Variants in SHISA9 observed in about 807,000 individuals in gnomAD.
The protein encoded by SHISA9 is shisa family member 9.
SHISA9 carries 13 observed loss-of-function variants against 38.0 expected under a neutral mutation model. The observed-to-expected ratio is 0.34, with a 90% CI of 0.22 to 0.54. The LOEUF is 0.54. Among genes scored for constraint, SHISA9 ranks in the 20% least tolerant of loss-of-function variants. The pLI is 0.91. For missense variants in SHISA9, 538 were observed against 575.8 expected (o/e 0.93, Z 0.67); for synonymous variants, 275 against 242.0 (o/e 1.14, Z -1.27).
the SHISA9 span, among the ~76,000 whole-genome samples, chr16:13,559,422 A>G: frequency 0.82 from 124,190 of 150,922 alleles, 51,474 homozygotes; most frequent in East Asian, 0.99. Flanking sequence ...CTGTCACCCA[A>G]AATGGAGTGC....
the SHISA9 span, among the ~76,000 whole-genome samples, chr16:13,451,453 C>T: frequency 0.5 from 75,404 of 152,060 alleles, 19,949 homozygotes; most frequent in African/African-American, 0.67. Context: ...CAAATAAAGA[C>T]AATTATAGAT....
intron 2 of SHISA9, among the ~76,000 whole-genome samples, chr16:13,113,417 G>C (rs1230890): frequency 0.73 from 111,445 of 151,964 alleles, 41,296 homozygotes; most frequent in African/African-American, 0.8. Flanking sequence ...GTATTCCAGG[G>C]AGTGTCCATC....
At chr16:13,162,569 T>C (rs543990506) in intron 2 of SHISA9, among the ~76,000 whole-genome samples, 25 of 152,214 alleles carry the variant, frequency 1.6e-4, no homozygotes, top group Middle Eastern at 3.4e-3. Flanking sequence ...TCATCCAAAC[T>C]CTCCTCTCTG....
At chr16:13,110,549 C>A (rs1316636044) in intron 2 of SHISA9, among the ~76,000 whole-genome samples, 1 of 152,204 alleles carries the variant, frequency 6.6e-6, no homozygotes, top group Non-Finnish European at 1.5e-5. Flanking sequence ...GCCTCAATGA[C>A]TGCTTGCATC....
chr16:13,396,596 C>T, the SHISA9 span, among the ~76,000 whole-genome samples: 1 of 152,156 alleles, frequency 6.6e-6, no homozygotes. Context: ...TTTCTGTTGC[C>T]TAAATAGAGT....
chr16:13,129,174 A>G (rs2050286844), intron 2 of SHISA9, among the ~76,000 whole-genome samples: 1 of 152,250 alleles, frequency 6.6e-6, no homozygotes. Context: ...CTTCTGTTTC[A>G]GTGACAGTGA....
At chr16:13,485,492 T>G in the SHISA9 span, among the ~76,000 whole-genome samples, 1 of 152,224 alleles carries the variant, frequency 6.6e-6, no homozygotes, top group Non-Finnish European at 1.5e-5. Context: ...TTTCCTTTTT[T>G]ATTGATATAT....
chr16:13,457,718 C>A, the SHISA9 span, among the ~76,000 whole-genome samples: 7 of 151,980 alleles, frequency 4.6e-5, no homozygotes, highest in African/African-American at 1.2e-4. Flanking sequence ...CAGCCACCAA[C>A]AAACACAGTC....
chr16:13,038,987 C>T (rs1211932902), intron 2 of SHISA9, among the ~76,000 whole-genome samples: 2 of 152,182 alleles, frequency 1.3e-5, no homozygotes, highest in African/African-American at 4.8e-5. Context: ...CTGCTCACTG[C>T]AGCCTCCACC....
chr16:13,014,701 G>C (rs561681781), intron 2 of SHISA9, among the ~76,000 whole-genome samples: 2 of 152,190 alleles, frequency 1.3e-5, no homozygotes, highest in Non-Finnish European at 2.9e-5. Flanking sequence ...ATTCTGAGCC[G>C]GGGGTGGAAT....
chr16:13,118,190 A>G (rs985263394), intron 2 of SHISA9, among the ~76,000 whole-genome samples: 1 of 151,790 alleles, frequency 6.6e-6, no homozygotes, highest in Non-Finnish European at 1.5e-5. Flanking sequence ...TAAAAAAAAA[A>G]AAAAAAAAAA....
chr16:13,193,959 G>A (rs1236863312), intron 2 of SHISA9, among the ~76,000 whole-genome samples: 2 of 152,152 alleles, frequency 1.3e-5, no homozygotes, highest in Admixed American at 6.5e-5. Flanking sequence ...AGAGGAAGCA[G>A]GACAAGAGAC....
At chr16:13,298,360 A>G in the SHISA9 span, among the ~76,000 whole-genome samples, 1 of 149,564 alleles carries the variant, frequency 6.7e-6, no homozygotes, top group Non-Finnish European at 1.5e-5. Flanking sequence ...TCATAATTCT[A>G]CTAATTATCA....
chr16:13,177,635 C>T (rs1307649009), intron 2 of SHISA9, among the ~76,000 whole-genome samples: 1 of 151,710 alleles, frequency 6.6e-6, no homozygotes, highest in East Asian at 1.9e-4. Context: ...CTCCTGGAGG[C>T]AAGAACTAGG....
At chr16:13,333,051 C>T in the SHISA9 span, among the ~76,000 whole-genome samples, 110 of 152,300 alleles carry the variant, frequency 7.2e-4, 3 homozygotes, top group South Asian at 0.02. Context: ...CCGTGCCCGT[C>T]GAAGTCAGAG....
chr16:13,361,860 CTAAT>C, the SHISA9 span, among the ~76,000 whole-genome samples: 172 of 152,306 alleles, frequency 1.1e-3, no homozygotes, highest in African/African-American at 3.9e-3. Context: ...CTTCATATAA[CTAAT>C]TATTTCCACT....
At chr16:12,939,666 A>C (rs1274166539) in intron 2 of SHISA9, among the ~76,000 whole-genome samples, 2 of 151,236 alleles carry the variant, frequency 1.3e-5, no homozygotes, top group African/African-American at 2.4e-5. Flanking sequence ...CTTTTTTTCC[A>C]CTCCATCAAC....
At chr16:12,938,399 T>C (rs2071561722) in intron 2 of SHISA9, among the ~76,000 whole-genome samples, 1 of 152,230 alleles carries the variant, frequency 6.6e-6, no homozygotes, top group Non-Finnish European at 1.5e-5. Flanking sequence ...TCTATCTGTT[T>C]CTTCCACTCC....
chr16:13,160,700 G>T (rs1425568271), intron 2 of SHISA9, among the ~76,000 whole-genome samples: 1 of 152,176 alleles, frequency 6.6e-6, no homozygotes, highest in Non-Finnish European at 1.5e-5. Flanking sequence ...ACACCCCCCA[G>T]GGGCTTAGTT....
Sources: gnomAD v4.1 joint callset for allele counts (sites outside exome capture counted in the v4.1 genomes callset) on GRCh38, gnomAD v4.1.1 for gene constraint, MANE v1.5 for transcripts, NCBI Gene and HGNC (gene_info 2026-07-23, HGNC 2026-07-21) for gene names.